Variants in TBC1D1 observed in about 807,000 individuals in gnomAD.
The protein encoded by TBC1D1 is TBC1 domain family member 1.
TBC1D1 carries 89 observed loss-of-function variants against 125.6 expected under a neutral mutation model. The observed-to-expected ratio is 0.71, with a 90% CI of 0.60 to 0.85. TBC1D1 has a LOEUF of 0.85. Among genes scored for constraint, TBC1D1 ranks in the 40% least tolerant of loss-of-function variants. The probability of loss-of-function intolerance (pLI) is 0.00; values close to 1 mark genes in which losing one functional copy is unlikely to be tolerated. For synonymous variants in TBC1D1, 565 were observed against 564.1 expected, an observed-to-expected ratio of 1.00 and a Z score of -0.02; for missense variants, 1,377 against 1,469.2, an observed-to-expected ratio of 0.94 and a Z score of 1.03.
chr4:37,903,409 C>T (rs1274705370), intron 2 of TBC1D1, among the ~76,000 whole-genome samples: 2 of 152,128 alleles, frequency 1.3e-5, no homozygotes, highest in Non-Finnish European at 2.9e-5. Flanking sequence ...ACAGCTAACC[C>T]CATGGACTGT....
rs567200066 is a variant in TBC1D1 at position 38,096,740 on chromosome 4, C to T, written c.2398+650C>T. ...TGAAACTAAGCTTTTGGAAATGTTT[C>T]CAGCAATGTGACACAGTGATCCTAA... On this transcript the variant is annotated intron_variant, in intron 14 of 19. Coordinates refer to ENST00000261439, the MANE Select transcript of TBC1D1 (RefSeq NM_015173.4). Among the ~76,000 whole-genome samples the T allele has an allele frequency of 2.0e-5, 3 of 152,240 alleles. No homozygotes were observed. In the South Asian group the frequency reaches 6.2e-4, roughly 32 times the overall value.
chr4:37,942,442 G>A (rs1043387834), intron 2 of TBC1D1, among the ~76,000 whole-genome samples: 7 of 152,022 alleles, frequency 4.6e-5, no homozygotes, highest in African/African-American at 1.2e-4. Context: ...TGGGTCTCCC[G>A]AGTACAGCAC....
At chr4:37,937,520 C>T (rs1724634686) in intron 2 of TBC1D1, among the ~76,000 whole-genome samples, 1 of 152,176 alleles carries the variant, frequency 6.6e-6, no homozygotes, top group South Asian at 2.1e-4. Context: ...TGTGTTCTTA[C>T]ACACTTCTTC....
intron 15 of TBC1D1, among the ~76,000 whole-genome samples, chr4:38,104,997 C>T (rs1008834027): frequency 1.7e-4 from 26 of 152,064 alleles, no homozygotes; most frequent in East Asian, 3.9e-4. Flanking sequence ...CCTCGTGATC[C>T]TCCCGCCTTG....
intron 2 of TBC1D1, among the ~76,000 whole-genome samples, chr4:37,983,376 G>T (rs1162557514): frequency 6.6e-6 from 1 of 152,128 alleles, no homozygotes; most frequent in Non-Finnish European, 1.5e-5. Context: ...GCCTCCCAAA[G>T]TGCTGGGATT....
intron 2 of TBC1D1, among the ~76,000 whole-genome samples, chr4:37,996,797 G>A (rs1737902132): frequency 6.6e-6 from 1 of 152,238 alleles, no homozygotes; most frequent in Admixed American, 6.5e-5. Flanking sequence ...TGACAGGGCT[G>A]TGGCTGGGCC....
chr4:37,923,790 C>T (rs1721517351), intron 2 of TBC1D1, among the ~76,000 whole-genome samples: 1 of 151,446 alleles, frequency 6.6e-6, no homozygotes, highest in Non-Finnish European at 1.5e-5. Flanking sequence ...AGTGATTCTC[C>T]TGCCTCAGCC....
At chr4:37,904,050 C>T (rs1413574437) in intron 2 of TBC1D1, among the ~76,000 whole-genome samples, 2 of 152,190 alleles carry the variant, frequency 1.3e-5, no homozygotes. Context: ...TACTTCTGCA[C>T]CCATAAACTG....
At position 38,014,287 on chromosome 4, in the gene TBC1D1, A is replaced by G. The variant is rs1742131734; in HGVS notation, c.418-222A>G. On this transcript the variant is annotated intron_variant, in intron 2 of 19. Coordinates refer to ENST00000261439, the MANE Select transcript of TBC1D1 (RefSeq NM_015173.4). This position sits in a 1 kb window ranked among gnomAD's most constrained non-coding sequence, Gnocchi z 5.1. ...GCCCTTGGCAGGTAAGAGGTGCTTC[A>G]TAAGTGTCGTCCCCCTTCTCTTTTC... 6.6e-6 allele frequency among the ~76,000 whole-genome samples: 1 copy of G among 152,142 alleles called. No homozygotes were observed. The highest frequency in any genetic ancestry group is 6.5e-5 in the Admixed American group (1 of 15,280).
intron 2 of TBC1D1, among the ~76,000 whole-genome samples, chr4:37,925,534 G>A (rs1721904973): frequency 1.3e-5 from 2 of 152,152 alleles, no homozygotes; most frequent in Non-Finnish European, 2.9e-5. Flanking sequence ...TGGCCAACAT[G>A]GTGAAACCCT....
At chr4:38,103,506 C>T (rs1159424736) in intron 15 of TBC1D1, among the ~76,000 whole-genome samples, 3 of 152,120 alleles carry the variant, frequency 2.0e-5, no homozygotes, top group Non-Finnish European at 2.9e-5. Context: ...TGTTCAGAAC[C>T]GAGGCTTGGT....
chr4:38,047,337 GT>G (rs767943182), intron 10 of TBC1D1, among the ~76,000 whole-genome samples: 77 of 152,214 alleles, frequency 5.1e-4, no homozygotes, highest in Non-Finnish European at 2.9e-4. Context: ...AGTAGGCAGG[GT>G]GGGGGGAGCC....
chr4:38,025,389 A>G (rs914774835), intron 6 of TBC1D1, among the ~76,000 whole-genome samples: 1 of 152,220 alleles, frequency 6.6e-6, no homozygotes, highest in Non-Finnish European at 1.5e-5. Context: ...GAAACCACCC[A>G]GGAGGGGCTA....
At chr4:38,132,600 T>C (rs1765770169) in intron 18 of TBC1D1, 1 of 166,130 alleles carries the variant, frequency 6.0e-6, no homozygotes, top group Non-Finnish European at 1.5e-5. Context: ...AACAGTCCCA[T>C]TACTTAGCTG....
intron 14 of TBC1D1, 101 bp from the exon 17 acceptor site, chr4:38,102,898 A>G (rs1760629673): frequency 3.0e-6 from 4 of 1,335,734 alleles, no homozygotes; most frequent in Non-Finnish European, 4.1e-6. Flanking sequence ...AAAAAAAAGG[A>G]ACAAGAATTT....
At chr4:38,135,269 T>G (rs1284245770) in intron 19 of TBC1D1, among the ~76,000 whole-genome samples, 1 of 152,260 alleles carries the variant, frequency 6.6e-6, no homozygotes, top group African/African-American at 2.4e-5. Context: ...TAAATACATG[T>G]GAACGTTGTC....
intron 4 of TBC1D1, among the ~76,000 whole-genome samples, chr4:38,019,492 C>A (rs982752661): frequency 3.3e-5 from 5 of 151,992 alleles, no homozygotes; most frequent in African/African-American, 7.2e-5. Flanking sequence ...GTTTTTAATC[C>A]TGATTTGCTG....
chr4:38,044,484 G>A lies in TBC1D1; in HGVS notation c.1536G>A (p.Leu512=). 6.2e-7 allele frequency: 1 copy of A among 1,608,802 alleles called. No individual in the cohort carries two copies. The highest frequency in any genetic ancestry group is 8.5e-7 in the Non-Finnish European group (1 of 1,178,754). The change falls in exon 9 of 20, where the codon TTG becomes TTA. Residue 512 remains leucine (L), a synonymous_variant. Transcript: ENST00000261439. ...TAACAGAGTCTTTAGAAAGTATTTT[G>A]TCCCGGGTAAGTAGCATAATTTCTC...
intron 2 of TBC1D1, among the ~76,000 whole-genome samples, chr4:37,924,360 T>G (rs1294041611): frequency 1.3e-5 from 2 of 152,222 alleles, no homozygotes; most frequent in African/African-American, 4.8e-5. Flanking sequence ...AACCCAATAC[T>G]TTTTTGTTGC....
Sources: allele counts gnomAD v4.1 joint callset (sites outside exome capture counted in the v4.1 genomes callset), GRCh38; gene constraint gnomAD v4.1.1; non-coding constraint Gnocchi (gnomAD v3.1); transcripts MANE v1.5; gene names NCBI Gene and HGNC (gene_info 2026-07-23, HGNC 2026-07-21).